KDM4B: variants seen among roughly 807,000 people sequenced by gnomAD.
KDM4B encodes the protein lysine-specific demethylase 4B.
In KDM4B, 32 loss-of-function variants were observed where a neutral mutation model predicts 125.2. The ratio of observed to expected loss-of-function variants is 0.26; its 90% CI spans 0.19 to 0.34. KDM4B has a LOEUF of 0.34. Among genes scored for constraint, KDM4B ranks in the 10% least tolerant of loss-of-function variants. KDM4B has a pLI of 1.00. For missense variants in KDM4B, 1,190 were observed against 1,577.7 expected, an observed-to-expected ratio of 0.75 and a Z score of 4.16; for synonymous variants, 721 against 677.9, an observed-to-expected ratio of 1.06 and a Z score of -0.99.
intron 21 of KDM4B, 118 bp from the exon 22 acceptor site, chr19:5,150,240 C>T (rs939016724): frequency 1.4e-6 from 1 of 693,642 alleles, no homozygotes; most frequent in Non-Finnish European, 2.4e-6. Context: ...TGCATGTGGC[C>T]TCTAGCGGGC....
intron 9 of KDM4B, among the ~76,000 whole-genome samples, chr19:5,097,951 TG>T (rs1392468906): frequency 6.6e-6 from 1 of 152,152 alleles, no homozygotes; most frequent in Non-Finnish European, 1.5e-5. Flanking sequence ...ATCTCAGGCA[TG>T]GGGGGCGCAA....
intron 2 of KDM4B, among the ~76,000 whole-genome samples, chr19:5,019,342 G>A (rs1028344933): frequency 1.3e-5 from 2 of 150,188 alleles, no homozygotes; most frequent in Admixed American, 1.3e-4. Context: ...AGGTGTTGGT[G>A]TGGGTGTTGG....
intron 1 of KDM4B, among the ~76,000 whole-genome samples, chr19:5,006,732 C>A (rs906634146): frequency 6.6e-6 from 1 of 151,200 alleles, no homozygotes; most frequent in African/African-American, 2.4e-5. Context: ...GAGATCATGC[C>A]GTTGCACTCC....
rs1410275971 is a variant in KDM4B, at chr19:5,144,259, G to A, written c.2748G>A (p.Leu916=). 1.9e-6 allele frequency: 3 copies of A among 1,598,412 alleles called. No individual in the cohort carries two copies. The South Asian group carries it at 3.4e-5, about 18-fold the overall frequency. Residue 916 remains leucine, a synonymous_variant, in exon 20 of 23, where the codon CTG becomes CTA. Transcript: ENST00000159111. Reference sequence around the variant, plus strand: ...CCGCACCCTCCCAGGTCCAACTCCTGAGGGCCGTGTCCCTAGGCCAGGTGG... The same window carrying A: ...CCGCACCCTCCCAGGTCCAACTCCTAAGGGCCGTGTCCCTAGGCCAGGTGG... The part of the protein sequence containing the change: ...HKSGGHAVQL[L]RAVSLGQVVI...
At chr19:5,077,532 G>A in intron 8 of KDM4B, 62 bp downstream of exon 8, 2 of 1,363,772 alleles carry the variant, frequency 1.5e-6, no homozygotes, top group Non-Finnish European at 2.1e-6. Context: ...AAGCCCAGGT[G>A]GCCGCACATA....
chr19:5,058,202 C>G lies in KDM4B; in HGVS notation c.626+10533C>G, dbSNP rs573477958. Among the ~76,000 whole-genome samples, 9 of 152,062 alleles carry G rather than the reference C, an allele frequency of 5.9e-5. No individual in the cohort carries two copies. The East Asian group carries it at 1.8e-3, about 30-fold the overall frequency. On this transcript the variant is annotated intron_variant, in intron 6 of 22. Transcript: ENST00000159111. ...CCTGCAGGGGCTCAGCCAACAGGGT[C>G]TTGAGGTTGAAGAGATGGATCTGCC...
At chr19:5,105,101 G>C (rs537867382) in intron 9 of KDM4B, among the ~76,000 whole-genome samples, 3 of 152,288 alleles carry the variant, frequency 2.0e-5, no homozygotes, top group East Asian at 3.9e-4. Flanking sequence ...CTGAGTTCTG[G>C]GGGCAGCGTG....
rs577425116 is a variant in KDM4B at position 5,078,277 on chromosome 19, A to G, written c.780+807A>G. 6.6e-6 allele frequency: 1 copy of G among 152,472 alleles called. No individual in the cohort carries two copies. Among genetic ancestry groups the G allele is most frequent in the African/African-American group, 2.4e-5 (1 of 41,594 alleles). The allele number at this position is 152,472 out of a possible 1,614,324, so 9.4% of individuals were successfully genotyped here. ...GCAGGTCTGGGCCGCAGCCCAGCTC[A>G]TGAGGTTCCACGGGAAGAGTGATGT... On this transcript the variant is annotated intron_variant, in intron 8 of 22. Coordinates refer to ENST00000159111, the MANE Select transcript of KDM4B (RefSeq NM_015015.3). The surrounding 1 kb of genome is among the most constrained non-coding windows in gnomAD (Gnocchi z 4.5).
chr19:5,078,303 G>A lies in KDM4B; in HGVS notation c.780+833G>A, dbSNP rs2038182482. On this transcript the variant is annotated intron_variant, in intron 8 of 22. Coordinates refer to ENST00000159111, the MANE Select transcript of KDM4B (RefSeq NM_015015.3). This position sits in a 1 kb window ranked among gnomAD's most constrained non-coding sequence, Gnocchi z 4.5. ...TGAGGTTCCACGGGAAGAGTGATGTGCAGGCTCGGGAGCGTGCTCTGTGGT... is the reference window on the plus strand; with the variant it reads ...TGAGGTTCCACGGGAAGAGTGATGTACAGGCTCGGGAGCGTGCTCTGTGGT... 1 of 152,266 alleles carries A rather than the reference G, an allele frequency of 6.6e-6. No individual in the cohort carries two copies. The highest frequency in any genetic ancestry group is 1.5e-5 in the Non-Finnish European group (1 of 68,084). The allele number at this position is 152,266 out of a possible 1,614,324, so 9.4% of individuals were successfully genotyped here.
chr19:5,093,552 A>G (rs540715790), intron 9 of KDM4B, among the ~76,000 whole-genome samples: 2 of 152,182 alleles, frequency 1.3e-5, no homozygotes, highest in South Asian at 4.1e-4. Context: ...AGCGCTGATA[A>G]TTACATCAGA....
At chr19:4,994,564 T>G (rs2035140254) in intron 1 of KDM4B, among the ~76,000 whole-genome samples, 1 of 36,236 alleles carries the variant, frequency 2.8e-5, no homozygotes, top group Non-Finnish European at 4.9e-5. Context: ...ACTCTGTCTC[T>G]CAAAAAAAAA....
chr19:5,151,502 C>T lies in KDM4B; in HGVS notation c.3282C>T (p.Ala1094=). 7.0e-7 allele frequency: 1 copy of T among 1,436,504 alleles called. No homozygotes were observed. The highest frequency in any genetic ancestry group is 1.4e-5 in the South Asian group (1 of 73,510). The allele number at this position is 1,436,504 out of a possible 1,614,324, so 89.0% of individuals were successfully genotyped here. The change falls in exon 23 of 23, where the codon GCC becomes GCT. Residue 1094 remains alanine (A), a synonymous_variant. Transcript: ENST00000159111. Reference sequence around the variant, plus strand: ...TGCAGGTGCAGGGCCGGCCCGGAGCCCCCTTCTAGGACAGCTGGCCGCTCA... The same window carrying T: ...TGCAGGTGCAGGGCCGGCCCGGAGCTCCCTTCTAGGACAGCTGGCCGCTCA... The part of the protein sequence containing the change: ...SLLQVQGRPG[A]PF
At chr19:5,079,876 GT>G (rs908478936) in intron 8 of KDM4B, among the ~76,000 whole-genome samples, 15 of 151,772 alleles carry the variant, frequency 9.9e-5, no homozygotes, top group African/African-American at 2.7e-4. Context: ...CAGTAATTAG[GT>G]TTTTTTTTAA....
At position 5,032,925 on chromosome 19, in the gene KDM4B, G is replaced by C. The variant is rs2036505049; in HGVS notation, c.35G>C (p.Ser12Thr). Residue 12 changes from serine to threonine, a missense_variant, in exon 3 of 23, where the codon AGC becomes ACC. This residue lies in a region of KDM4B where 139 missense variants were observed against 248.3 expected (regional missense o/e 0.56). Coordinates refer to ENST00000159111, the MANE Select transcript of KDM4B (RefSeq NM_015015.3). The stretch of plus-strand genomic sequence containing the variant: ...GAGGACCACGGCGCCCAGAACCCCA[G>C]CTGTAAAATCATGACGTTTCGCCCA... ...GSEDHGAQNPSCKIMTFRPTM... is the reference protein window; with the variant it reads ...GSEDHGAQNPTCKIMTFRPTM... The C allele has an allele frequency of 6.2e-7, 1 of 1,614,206 alleles. No individual in the cohort carries two copies. Among genetic ancestry groups the C allele is most frequent in the Non-Finnish European group, 8.5e-7 (1 of 1,180,036 alleles).
chr19:5,127,205 C>T (rs1335556603), intron 11 of KDM4B, among the ~76,000 whole-genome samples: 1 of 152,212 alleles, frequency 6.6e-6, no homozygotes, highest in Non-Finnish European at 1.5e-5. Flanking sequence ...TGTCCTGAAG[C>T]CCCTCACCCG....
In KDM4B at chr19:5,051,918, T is replaced by C. The variant is rs139647171; in HGVS notation, c.626+4249T>C. On this transcript the variant is annotated intron_variant, in intron 6 of 22. Coordinates refer to ENST00000159111, the MANE Select transcript of KDM4B (RefSeq NM_015015.3). ...CCACCCTCTCCTGCCTCTGTTTACC[T>C]TGGACACACTCAGTCTCCGGTGCAG... 7.0e-3 allele frequency among the ~76,000 whole-genome samples: 1,065 copies of C among 152,290 alleles called. 9 individuals are homozygous for C. Among genetic ancestry groups the C allele is most frequent in the African/African-American group, 0.025 (1,021 of 41,558 alleles).
chr19:4,986,518 C>T (rs1203902032), intron 1 of KDM4B, among the ~76,000 whole-genome samples: 1 of 152,164 alleles, frequency 6.6e-6, no homozygotes, highest in Admixed American at 6.5e-5. Flanking sequence ...GGCAGGTCGG[C>T]GGGCACAGAG....
intron 1 of KDM4B, among the ~76,000 whole-genome samples, chr19:4,988,588 T>C (rs1220245857): frequency 6.6e-6 from 1 of 152,196 alleles, no homozygotes; most frequent in East Asian, 1.9e-4. Context: ...TGAACCCTTC[T>C]TTGAGCTTAA....
At chr19:5,102,373 G>T (rs547238982) in intron 9 of KDM4B, among the ~76,000 whole-genome samples, 2 of 152,336 alleles carry the variant, frequency 1.3e-5, no homozygotes, top group South Asian at 2.1e-4. Flanking sequence ...GGCTGCCCAG[G>T]AGGGATGTGG....
Sources: gnomAD v4.1 joint callset for allele counts (sites outside exome capture counted in the v4.1 genomes callset) on GRCh38, gnomAD v4.1.1 for gene constraint, gnomAD v4.1.1 regional missense constraint, Gnocchi (gnomAD v3.1) non-coding constraint, MANE v1.5 for transcripts, NCBI Gene and HGNC (gene_info 2026-07-23, HGNC 2026-07-21) for gene names.